The following MEIKIN variants were observed in gnomAD, a reference collection of about 807,000 sequenced individuals.
MEIKIN encodes the protein meiosis-specific kinetochore protein.
chr5:131,893,291 T>C (rs919312358), intron 8 of MEIKIN, among the ~76,000 whole-genome samples: 3 of 152,194 alleles, frequency 2.0e-5, no homozygotes, highest in Non-Finnish European at 2.9e-5. Context: ...TTGGGAATGG[T>C]GGGCGCCCCT....
At chr5:131,869,340 T>C (rs1025413119) in intron 9 of MEIKIN, among the ~76,000 whole-genome samples, 1 of 152,218 alleles carries the variant, frequency 6.6e-6, no homozygotes, top group Non-Finnish European at 1.5e-5. Context: ...CATCGATCTG[T>C]TTGTTTATTC....
intron 5 of MEIKIN, among the ~76,000 whole-genome samples, chr5:131,926,021 A>G (rs1561757025): frequency 6.6e-6 from 1 of 152,106 alleles, no homozygotes; most frequent in African/African-American, 2.4e-5. Context: ...GCAAAAACAG[A>G]TTATTTTACT....
intron 6 of MEIKIN, among the ~76,000 whole-genome samples, chr5:131,917,871 TA>T (rs1751438062): frequency 6.6e-6 from 1 of 152,132 alleles, no homozygotes; most frequent in African/African-American, 2.4e-5. Flanking sequence ...TCTCAAAACA[TA>T]AAAGGCTACA....
At chr5:131,832,067 C>T (rs193038738) in intron 11 of MEIKIN, among the ~76,000 whole-genome samples, 1 of 152,210 alleles carries the variant, frequency 6.6e-6, no homozygotes, top group East Asian at 1.9e-4. Context: ...TCCCAACAGT[C>T]CCCCGAAGTC....
chr5:131,911,403 T>C (rs1260028067), intron 8 of MEIKIN, among the ~76,000 whole-genome samples: 8 of 152,026 alleles, frequency 5.3e-5, no homozygotes, highest in African/African-American at 1.9e-4. Flanking sequence ...TTTATCCTAA[T>C]AGTAAACTAC....
In MEIKIN at chr5:131,816,631, C is replaced by T. The variant is rs182063385; in HGVS notation, c.1099+2109G>A. 5.3e-5 allele frequency among the ~76,000 whole-genome samples: 8 copies of T among 152,262 alleles called. No individual in the cohort carries two copies. In the East Asian group the frequency reaches 1.3e-3, roughly 26 times the overall value. On this transcript the variant is annotated intron_variant, in intron 12 of 12. Coordinates refer to ENST00000442687, the MANE Select transcript of MEIKIN (RefSeq NM_001303622.2). ...TTGCATACGTTAGGCCTTATTCTAT[C>T]CTCTATAACTTTCAACCTCTCTTTA...
chr5:131,931,348 A>G (rs1751692102), intron 5 of MEIKIN, among the ~76,000 whole-genome samples: 1 of 151,402 alleles, frequency 6.6e-6, no homozygotes, highest in South Asian at 2.1e-4. Flanking sequence ...TCCCCCACTC[A>G]CTCTGCACTG....
intron 8 of MEIKIN, among the ~76,000 whole-genome samples, chr5:131,887,680 G>GT (rs1015327040): frequency 2.7e-5 from 4 of 150,164 alleles, no homozygotes; most frequent in Admixed American, 6.6e-5. Flanking sequence ...TTTTTGTTGG[G>GT]TTTTTTTCTT....
intron 8 of MEIKIN, among the ~76,000 whole-genome samples, chr5:131,891,626 G>A (rs1237884100): frequency 6.6e-6 from 1 of 152,096 alleles, no homozygotes; most frequent in African/African-American, 2.4e-5. Flanking sequence ...TGTGAGATGG[G>A]TTTCCTGAAT....
At chr5:131,809,641 A>AT (rs1772915412) in intron 12 of MEIKIN, among the ~76,000 whole-genome samples, 1 of 151,968 alleles carries the variant, frequency 6.6e-6, no homozygotes, top group Non-Finnish European at 1.5e-5. Flanking sequence ...CCCTGTCTCT[A>AT]CTAAAAATAC....
intron 11 of MEIKIN, among the ~76,000 whole-genome samples, chr5:131,842,667 T>C (rs1269056610): frequency 6.6e-6 from 1 of 152,234 alleles, no homozygotes; most frequent in Non-Finnish European, 1.5e-5. Context: ...AAAGGATTGT[T>C]CTCTGTGGTT....
chr5:131,912,757 T>C (rs1751350689), intron 7 of MEIKIN, among the ~76,000 whole-genome samples: 1 of 152,220 alleles, frequency 6.6e-6, no homozygotes, highest in Non-Finnish European at 1.5e-5. Flanking sequence ...TTGTAATAAG[T>C]AGCTATTTTT....
intron 9 of MEIKIN, among the ~76,000 whole-genome samples, chr5:131,870,212 T>G (rs547340102): frequency 1.3e-4 from 20 of 152,310 alleles, no homozygotes; most frequent in African/African-American, 4.8e-4. Flanking sequence ...CTCATAATAA[T>G]TAATATTTTT....
At chr5:131,831,476 A>C (rs1312144202) in intron 11 of MEIKIN, among the ~76,000 whole-genome samples, 2 of 152,188 alleles carry the variant, frequency 1.3e-5, no homozygotes, top group East Asian at 3.9e-4. Flanking sequence ...GAGATTGCTT[A>C]AGCCCAGGAG....
At chr5:131,889,081 G>T (rs1202337453) in intron 8 of MEIKIN, among the ~76,000 whole-genome samples, 9 of 152,086 alleles carry the variant, frequency 5.9e-5, no homozygotes, top group African/African-American at 1.4e-4. Context: ...TCTCTGTTTT[G>T]GTACCAGTAC....
intron 7 of MEIKIN, among the ~76,000 whole-genome samples, chr5:131,915,247 A>G (rs1465942432): frequency 6.6e-6 from 1 of 152,182 alleles, no homozygotes; most frequent in Non-Finnish European, 1.5e-5. Flanking sequence ...AAAACAACAA[A>G]AACCAAGGTG....
At chr5:131,815,642 T>A (rs1215963411) in intron 12 of MEIKIN, among the ~76,000 whole-genome samples, 1 of 152,226 alleles carries the variant, frequency 6.6e-6, no homozygotes, top group Non-Finnish European at 1.5e-5. Flanking sequence ...TGATCCGGAC[T>A]ACCAAGGAGA....
intron 11 of MEIKIN, among the ~76,000 whole-genome samples, chr5:131,822,330 T>C (rs2149603734): frequency 6.6e-6 from 1 of 152,302 alleles, no homozygotes; most frequent in South Asian, 2.1e-4. Flanking sequence ...TGCCATTTTA[T>C]TATTTTTTTT....
chr5:131,940,273 C>T (rs1416493934), intron 4 of MEIKIN, among the ~76,000 whole-genome samples: 1 of 152,174 alleles, frequency 6.6e-6, no homozygotes, highest in East Asian at 1.9e-4. Context: ...AAAGCATTTC[C>T]TGAGCACCTC....
Sources: allele counts gnomAD v4.1 joint callset (sites outside exome capture counted in the v4.1 genomes callset), GRCh38; gene constraint gnomAD v4.1.1; transcripts MANE v1.5; gene names NCBI Gene and HGNC (gene_info 2026-07-23, HGNC 2026-07-21).